Variants in HPCAL1 observed in about 807,000 individuals in gnomAD.
The protein encoded by HPCAL1 is hippocalcin like 1.
HPCAL1 carries 8 observed loss-of-function variants against 17.1 expected under a neutral mutation model. The observed-to-expected ratio is 0.47, with a 90% CI of 0.27 to 0.84. The LOEUF (loss-of-function observed/expected upper bound fraction) is 0.84. Ranked by LOEUF, HPCAL1 falls within the 40% of genes least tolerant of loss-of-function variation. The pLI is 0.13. For synonymous variants in HPCAL1, 112 were observed against 111.4 expected (o/e 1.01, Z -0.03); for missense variants, 165 against 271.1 (o/e 0.61, Z 2.75).
At chr2:10,426,371 AT>A (rs1288483052) in intron 4 of HPCAL1, 2 of 224,456 alleles carry the variant, frequency 8.9e-6, no homozygotes, top group African/African-American at 4.6e-5. Context: ...TGGATTCTGT[AT>A]GGGTTAGAGG....
chr2:10,332,368 A>G (rs1664436785), intron 1 of HPCAL1, among the ~76,000 whole-genome samples: 1 of 151,548 alleles, frequency 6.6e-6, no homozygotes, highest in African/African-American at 2.4e-5. Flanking sequence ...ACAGGTTTCC[A>G]TTTTCTCTAG....
intron 1 of HPCAL1, among the ~76,000 whole-genome samples, chr2:10,333,464 A>G (rs1664513825): frequency 6.6e-6 from 1 of 152,092 alleles, no homozygotes. Context: ...CTGCTGGCAG[A>G]TGTATCACCG....
intron 1 of HPCAL1, among the ~76,000 whole-genome samples, chr2:10,314,003 C>T (rs1202216322): frequency 2.0e-5 from 3 of 151,656 alleles, no homozygotes; most frequent in East Asian, 1.9e-4. Context: ...TGGTGGCGGG[C>T]GCCTGTAATC....
chr2:10,316,859 G>A (rs898938686), intron 1 of HPCAL1, among the ~76,000 whole-genome samples: 10 of 152,172 alleles, frequency 6.6e-5, no homozygotes, highest in African/African-American at 2.4e-4. Flanking sequence ...ATGGTCTGGA[G>A]AAGAAAATGT....
At chr2:10,416,550 G>A (rs549602037) in intron 2 of HPCAL1, among the ~76,000 whole-genome samples, 1 of 152,286 alleles carries the variant, frequency 6.6e-6, no homozygotes, top group Admixed American at 6.5e-5. Context: ...CAAAGTGGGA[G>A]GATCACTTTG....
intron 1 of HPCAL1, among the ~76,000 whole-genome samples, chr2:10,378,418 G>C (rs887068259): frequency 3.3e-5 from 5 of 151,900 alleles, no homozygotes; most frequent in African/African-American, 1.2e-4. Context: ...TCCATGGACC[G>C]GGCCGCCTAA....
At chr2:10,392,191 C>T (rs1034943366) in intron 1 of HPCAL1, among the ~76,000 whole-genome samples, 1 of 152,002 alleles carries the variant, frequency 6.6e-6, no homozygotes, top group Non-Finnish European at 1.5e-5. Flanking sequence ...TACCCCCATG[C>T]ACCACCATGC....
Position 10,355,376 on chromosome 2 carries a change from G to A in HPCAL1, c.-110-41459G>A, listed in dbSNP as rs374819614. 3.8e-4 allele frequency among the ~76,000 whole-genome samples: 55 copies of A among 143,254 alleles called. No individual in the cohort carries two copies. The East Asian group carries it at 6.9e-3, about 18-fold the overall frequency. The allele number at this position is 143,254 out of a possible 152,430, so 94.0% of individuals were successfully genotyped here. A position where few individuals can be genotyped will look rare whatever the true frequency, so the allele number is the denominator to read the frequency against. On this transcript the variant is annotated intron_variant, in intron 1 of 4. Transcript: ENST00000307845. ...TGAGGCAGGAGAATGGCGTGAACCC[G>A]GGAGGCGGAGCTTGCAGTGAGCCGA... is the stretch of plus-strand genomic sequence containing the variant.
chr2:10,355,799 G>C (rs1223934184), intron 1 of HPCAL1, among the ~76,000 whole-genome samples: 1 of 151,930 alleles, frequency 6.6e-6, no homozygotes, highest in East Asian at 1.9e-4. Flanking sequence ...TAGATACAGA[G>C]TAGCCTTGTG....
intron 2 of HPCAL1, among the ~76,000 whole-genome samples, chr2:10,398,171 C>T (rs926177813): frequency 2.0e-5 from 3 of 152,178 alleles, no homozygotes; most frequent in South Asian, 4.1e-4. Flanking sequence ...CATAGGCTCC[C>T]GGGGGGACAC....
chr2:10,335,358 G>C (rs6751416), intron 1 of HPCAL1, among the ~76,000 whole-genome samples: 31,047 of 152,092 alleles, frequency 0.2, 3,939 homozygotes, highest in African/African-American at 0.36. Flanking sequence ...GGCAGGCCTA[G>C]GTGACAAGGG....
At chr2:10,415,707 G>A (rs1670620342) in intron 2 of HPCAL1, among the ~76,000 whole-genome samples, 1 of 152,180 alleles carries the variant, frequency 6.6e-6, no homozygotes, top group South Asian at 2.1e-4. Flanking sequence ...TGCCATCCCT[G>A]TTATTCGGGG....
intron 1 of HPCAL1, among the ~76,000 whole-genome samples, chr2:10,360,341 T>C (rs1666443496): frequency 2.0e-5 from 3 of 152,048 alleles, no homozygotes; most frequent in Middle Eastern, 3.4e-3. Flanking sequence ...GCGAATGAGC[T>C]CAAATACGGA....
chr2:10,334,712 G>GAT (rs1664611119), intron 1 of HPCAL1, among the ~76,000 whole-genome samples: 1 of 99,854 alleles, frequency 1.0e-5, no homozygotes. Context: ...TTGAGGCAGG[G>GAT]TCTCGCTCTG....
intron 1 of HPCAL1, among the ~76,000 whole-genome samples, chr2:10,334,303 C>A (rs1166449502): frequency 6.6e-6 from 1 of 151,364 alleles, no homozygotes; most frequent in African/African-American, 2.4e-5. Context: ...GGCAACATAG[C>A]AAGACCCTGT....
At chr2:10,321,415 GTT>G (rs879930538) in intron 1 of HPCAL1, among the ~76,000 whole-genome samples, 3 of 147,142 alleles carry the variant, frequency 2.0e-5, no homozygotes, top group African/African-American at 5.0e-5. Flanking sequence ...GAGAGATGCA[GTT>G]TTTTTTTTTC....
intron 1 of HPCAL1, among the ~76,000 whole-genome samples, chr2:10,371,955 G>A (rs558734577): frequency 2.6e-5 from 4 of 152,182 alleles, no homozygotes; most frequent in Admixed American, 6.5e-5. Flanking sequence ...GCCCGCCAGC[G>A]CCTCAGATGT....
rs1411423493 is a variant in HPCAL1 at position 10,363,924 on chromosome 2, C to A, written c.-110-32911C>A. On this transcript the variant is annotated intron_variant, in intron 1 of 4. Coordinates refer to ENST00000307845, the MANE Select transcript of HPCAL1 (RefSeq NM_002149.4). This position sits in a 1 kb window ranked among gnomAD's most constrained non-coding sequence, Gnocchi z 4.7. Reference sequence around the variant, plus strand: ...GTAAGCGTTTAGTGCCCTGAGCCGACTCAGCTGGTGCTCAGGGAGGCCTGA... The same window carrying A: ...GTAAGCGTTTAGTGCCCTGAGCCGAATCAGCTGGTGCTCAGGGAGGCCTGA... 6.6e-6 allele frequency among the ~76,000 whole-genome samples: 1 copy of A among 152,214 alleles called. No homozygotes were observed. Among genetic ancestry groups the A allele is most frequent in the Non-Finnish European group, 1.5e-5 (1 of 68,024 alleles).
chr2:10,325,112 C>T (rs985493691), intron 1 of HPCAL1, among the ~76,000 whole-genome samples: 2 of 151,570 alleles, frequency 1.3e-5, no homozygotes, highest in Non-Finnish European at 2.9e-5. Context: ...GGATTACAGG[C>T]GTGAGCCACT....
Sources: allele counts gnomAD v4.1 joint callset (sites outside exome capture counted in the v4.1 genomes callset), GRCh38; gene constraint gnomAD v4.1.1; non-coding constraint Gnocchi (gnomAD v3.1); transcripts MANE v1.5; gene names NCBI Gene and HGNC (gene_info 2026-07-23, HGNC 2026-07-21).